The following ITPR1 variants were observed in gnomAD, a reference collection of about 807,000 sequenced individuals.
The protein encoded by ITPR1 is inositol 1,4,5-trisphosphate-gated calcium channel ITPR1.
Under a neutral mutation model 318.4 loss-of-function variants are expected in ITPR1, and 96 were observed. The ratio of observed to expected loss-of-function variants is 0.30; its 90% CI spans 0.26 to 0.36. The LOEUF (loss-of-function observed/expected upper bound fraction) is 0.36, where lower values mean the gene tolerates loss of function less well. Among genes scored for constraint, ITPR1 ranks in the 10% least tolerant of loss-of-function variants. The pLI is 1.00. For missense variants in ITPR1, 2,440 were observed against 3,460.2 expected (o/e 0.71, Z 7.40); for synonymous variants, 1,312 against 1,289.9 (o/e 1.02, Z -0.37).
chr3:4,818,747 A>G (rs887192530), intron 60 of ITPR1, among the ~76,000 whole-genome samples: 2 of 152,060 alleles, frequency 1.3e-5, no homozygotes, highest in African/African-American at 4.8e-5. Flanking sequence ...ATGATGGAGG[A>G]ATTTGAGTTC....
At chr3:4,727,831 C>T (rs530368425) in intron 42 of ITPR1, among the ~76,000 whole-genome samples, 1 of 152,232 alleles carries the variant, frequency 6.6e-6, no homozygotes, top group Non-Finnish European at 1.5e-5. Context: ...TTGCCTTGGC[C>T]TCCCAAAGTG....
chr3:4,662,830 A>G (rs1242231140), intron 15 of ITPR1, among the ~76,000 whole-genome samples: 3 of 152,198 alleles, frequency 2.0e-5, no homozygotes, highest in Non-Finnish European at 2.9e-5. Flanking sequence ...TTACTCTGAG[A>G]TAAAATTTTG....
At chr3:4,586,714 G>T (rs548815030) in intron 4 of ITPR1, among the ~76,000 whole-genome samples, 5 of 143,174 alleles carry the variant, frequency 3.5e-5, no homozygotes, top group African/African-American at 1.4e-4. Flanking sequence ...TCCCTGTGTT[G>T]CCCAGGCTGG....
chr3:4,647,589 A>G (rs2093488831), intron 10 of ITPR1, among the ~76,000 whole-genome samples: 1 of 152,220 alleles, frequency 6.6e-6, no homozygotes, highest in Non-Finnish European at 1.5e-5. Context: ...GTTCTTCCAT[A>G]TCCTTACCAA....
At chr3:4,678,362 A>C (rs2094226406) in intron 24 of ITPR1, among the ~76,000 whole-genome samples, 1 of 152,126 alleles carries the variant, frequency 6.6e-6, no homozygotes, top group Non-Finnish European at 1.5e-5. Context: ...GCCATGGTCC[A>C]TGTGTTCCAA....
At chr3:4,649,273 T>C (rs2093539565) in intron 10 of ITPR1, among the ~76,000 whole-genome samples, 5 of 152,240 alleles carry the variant, frequency 3.3e-5, no homozygotes, top group Admixed American at 3.3e-4. Flanking sequence ...GATACCATTT[T>C]ATAAACAATT....
chr3:4,762,827 C>A (rs1366534117), intron 44 of ITPR1, among the ~76,000 whole-genome samples: 1 of 152,240 alleles, frequency 6.6e-6, no homozygotes, highest in Non-Finnish European at 1.5e-5. Context: ...ACCCAGCAAT[C>A]CCATTGCTGG....
At position 4,684,315 on chromosome 3, in the gene ITPR1, C is replaced by T. The variant is rs1324402957; in HGVS notation, c.3533C>T (p.Thr1178Ile). ...GNNKPQKHESTSSYNYRVVKE... is the reference protein window; with the variant it reads ...GNNKPQKHESISSYNYRVVKE... ...AACAAGCCACAAAAGCATGAAAGCA[C>T]CAGCAGCTACAACTACAGAGTGGTC... is the stretch of plus-strand genomic sequence containing the variant. Residue 1178 changes from threonine to isoleucine, a missense_variant, in exon 29 of 62, where the codon ACC becomes ATC. Physicochemically the swap from Thr to Ile is moderately conservative, Grantham distance 89. Around this residue, in one of 23 missense-constraint regions of ITPR1, gnomAD observed 86 missense variants for 75.6 expected, o/e 1.14. Transcript: ENST00000649015. 1 of 1,612,870 alleles carries T rather than the reference C, an allele frequency of 6.2e-7. No homozygotes were observed. The highest frequency in any genetic ancestry group is 8.5e-7 in the Non-Finnish European group (1 of 1,179,268).
chr3:4,802,936 A>G (rs2048332237), intron 54 of ITPR1, among the ~76,000 whole-genome samples: 1 of 152,140 alleles, frequency 6.6e-6, no homozygotes, highest in African/African-American at 2.4e-5. Flanking sequence ...CCAGAAAGCA[A>G]TGTGCTTCTA....
intron 4 of ITPR1, among the ~76,000 whole-genome samples, chr3:4,568,743 G>C (rs1328375058): frequency 6.6e-6 from 1 of 152,204 alleles, no homozygotes; most frequent in Non-Finnish European, 1.5e-5. Flanking sequence ...AGGCGGATAT[G>C]GTTCCAGATG....
chr3:4,748,489 TG>T (rs1325184323), intron 44 of ITPR1, among the ~76,000 whole-genome samples: 1 of 152,138 alleles, frequency 6.6e-6, no homozygotes. Context: ...TAATTTCTGC[TG>T]GTGTCTTTCT....
chr3:4,798,379 A>C (rs1327082456), intron 53 of ITPR1, among the ~76,000 whole-genome samples: 1 of 152,240 alleles, frequency 6.6e-6, no homozygotes, highest in Non-Finnish European at 1.5e-5. Context: ...TATCAGGGAA[A>C]TGTAAATTAA....
chr3:4,733,139 C>A lies in ITPR1; in HGVS notation c.5272C>A (p.Pro1758Thr), dbSNP rs1285510565. The stretch of plus-strand genomic sequence containing the variant: ...CAACCGTTACTATGGAAACGTCAGA[C>A]CTTCGGGACGAAGAGAGAGCCTTAC... Reference protein sequence around the residue: ...LVNRYYGNVRPSGRRESLTSF... With the variant: ...LVNRYYGNVRTSGRRESLTSF... The change falls in exon 43 of 62, where the codon CCT (proline) becomes ACT (threonine). Residue 1758 changes from proline (P) to threonine (T), a missense_variant. Around this residue, in one of 23 missense-constraint regions of ITPR1, gnomAD observed 166 missense variants for 143.7 expected, o/e 1.16. Transcript: ENST00000649015. 1 of 1,613,954 alleles carries A rather than the reference C, an allele frequency of 6.2e-7. No homozygotes were observed. Among genetic ancestry groups the A allele is most frequent in the Non-Finnish European group, 8.5e-7 (1 of 1,179,862 alleles).
At chr3:4,641,769 C>T (rs1385703368) in intron 6 of ITPR1, among the ~76,000 whole-genome samples, 1 of 152,214 alleles carries the variant, frequency 6.6e-6, no homozygotes, top group Non-Finnish European at 1.5e-5. Flanking sequence ...TTCCTTAGCC[C>T]GTTCACATAG....
intron 4 of ITPR1, among the ~76,000 whole-genome samples, chr3:4,618,567 A>G (rs1025054424): frequency 3.3e-5 from 5 of 152,152 alleles, no homozygotes; most frequent in African/African-American, 9.7e-5. Context: ...TTCATATGCA[A>G]CCTTCCCCTA....
intron 36 of ITPR1, 123 bp from the exon 37 acceptor site, chr3:4,706,044 C>A: frequency 1.1e-6 from 1 of 915,100 alleles, no homozygotes; most frequent in South Asian, 1.7e-5. Flanking sequence ...AAGCTCAATA[C>A]CAGGCAAGCT....
intron 40 of ITPR1, among the ~76,000 whole-genome samples, chr3:4,723,806 A>G: frequency 6.6e-6 from 1 of 152,076 alleles, no homozygotes; most frequent in Non-Finnish European, 1.5e-5. Flanking sequence ...AGGATGCTGT[A>G]GTGGGAGGGT....
rs189393329 is a variant in ITPR1, at chr3:4,603,176, G to A, written c.164-24587G>A. 4.4e-3 allele frequency among the ~76,000 whole-genome samples: 635 copies of A among 144,860 alleles called. 2 individuals carry two copies. The highest frequency in any genetic ancestry group is 7.5e-3 in the Non-Finnish European group (498 of 66,690). ...GCAAGACTTGCTTTTTAGATGACAG[G>A]CATTTTTTATTTTGTTTTTTTTACA... is the stretch of plus-strand genomic sequence containing the variant. On this transcript the variant is annotated intron_variant, in intron 4 of 61. Transcript: ENST00000649015.
intron 4 of ITPR1, among the ~76,000 whole-genome samples, chr3:4,532,337 C>T (rs2083484564): frequency 6.6e-6 from 1 of 151,664 alleles, no homozygotes; most frequent in South Asian, 2.1e-4. Context: ...TGAAGTGAGA[C>T]CTGAGATTCT....
Sources: gnomAD v4.1 joint callset for allele counts (sites outside exome capture counted in the v4.1 genomes callset) on GRCh38, gnomAD v4.1.1 for gene constraint, gnomAD v4.1.1 regional missense constraint, MANE v1.5 for transcripts, NCBI Gene and HGNC (gene_info 2026-07-23, HGNC 2026-07-21) for gene names.